SAMD5: variants seen among roughly 807,000 people sequenced by gnomAD.
SAMD5 encodes the protein sterile alpha motif domain containing 5, also known as sterile alpha motif domain-containing protein 5.
Under a neutral mutation model 11.3 loss-of-function variants are expected in SAMD5, and 13 were observed. That is an observed-to-expected ratio of 1.15 (90% CI 0.75 to 1.83). The LOEUF (loss-of-function observed/expected upper bound fraction) is 1.83. Among genes scored for constraint, SAMD5 ranks in the 40% most tolerant of loss-of-function variants. SAMD5 has a pLI of 0.00. For missense variants in SAMD5, 255 were observed against 239.1 expected (o/e 1.07, Z -0.44); for synonymous variants, 129 against 111.3 (o/e 1.16, Z -1.00).
At chr6:147,883,162 C>T in the SAMD5 span, among the ~76,000 whole-genome samples, 6 of 152,062 alleles carry the variant, frequency 3.9e-5, no homozygotes, top group African/African-American at 7.2e-5. Flanking sequence ...GAAGGTTTTC[C>T]GTGATTGAAT....
intron 1 of SAMD5, among the ~76,000 whole-genome samples, chr6:147,698,546 T>C (rs1791211029): frequency 6.6e-6 from 1 of 152,212 alleles, no homozygotes; most frequent in South Asian, 2.1e-4. Context: ...CCTAGTACTC[T>C]GAGCACACTT....
At chr6:147,538,389 A>G (rs1469031285) in intron 1 of SAMD5, among the ~76,000 whole-genome samples, 21 of 152,178 alleles carry the variant, frequency 1.4e-4, no homozygotes. Context: ...AACAAAAGCC[A>G]TATTCCTGTG....
chr6:147,766,667 C>T, the SAMD5 span, among the ~76,000 whole-genome samples: 1 of 152,068 alleles, frequency 6.6e-6, no homozygotes. Flanking sequence ...AAAGAATAGA[C>T]CCCAGCAAAA....
chr6:147,628,698 C>T (rs1790094775), intron 1 of SAMD5, among the ~76,000 whole-genome samples: 2 of 152,046 alleles, frequency 1.3e-5, no homozygotes. Flanking sequence ...TACCCATCCT[C>T]CCCTCCAAAA....
At chr6:147,833,452 C>T in the SAMD5 span, among the ~76,000 whole-genome samples, 5 of 152,126 alleles carry the variant, frequency 3.3e-5, no homozygotes, top group Non-Finnish European at 5.9e-5. Context: ...ATGATAAACT[C>T]TAAATTATAC....
chr6:147,671,730 C>T (rs1184178794), intron 1 of SAMD5, among the ~76,000 whole-genome samples: 1 of 152,028 alleles, frequency 6.6e-6, no homozygotes, highest in Non-Finnish European at 1.5e-5. Context: ...TTTTATGTGT[C>T]CGTCCTATTT....
intron 1 of SAMD5, among the ~76,000 whole-genome samples, chr6:147,700,187 T>G (rs17077259): frequency 0.093 from 14,189 of 152,214 alleles, 1,675 homozygotes; most frequent in African/African-American, 0.28. Context: ...TAAGATTTTT[T>G]AAATACAGTG....
chr6:147,672,993 T>C (rs917872621), intron 1 of SAMD5, among the ~76,000 whole-genome samples: 1 of 152,166 alleles, frequency 6.6e-6, no homozygotes, highest in South Asian at 2.1e-4. Flanking sequence ...ATAGCTTTAA[T>C]TCTTCTCTTT....
At chr6:147,721,848 A>G (rs1791556591) in intron 1 of SAMD5, among the ~76,000 whole-genome samples, 1 of 152,172 alleles carries the variant, frequency 6.6e-6, no homozygotes. Context: ...AAGCTTTCAT[A>G]GTTTAATGTT....
chr6:147,911,755 G>T, the SAMD5 span, among the ~76,000 whole-genome samples: 1 of 152,208 alleles, frequency 6.6e-6, no homozygotes, highest in African/African-American at 2.4e-5. Context: ...ATGACCATGT[G>T]TTATTATTTA....
At chr6:147,882,150 A>C in the SAMD5 span, among the ~76,000 whole-genome samples, 1 of 152,130 alleles carries the variant, frequency 6.6e-6, no homozygotes, top group Non-Finnish European at 1.5e-5. Context: ...CTTTTACTTA[A>C]GCTTAGGATA....
intron 1 of SAMD5, among the ~76,000 whole-genome samples, chr6:147,599,799 A>T (rs17387675): frequency 6.6e-6 from 1 of 152,214 alleles, no homozygotes; most frequent in Non-Finnish European, 1.5e-5. Context: ...GCTGTTTCTC[A>T]GTTATTCATG....
the SAMD5 span, among the ~76,000 whole-genome samples, chr6:147,757,113 T>C: frequency 6.6e-6 from 1 of 152,224 alleles, no homozygotes; most frequent in South Asian, 2.1e-4. Flanking sequence ...CATGCTGCCA[T>C]AGATTCTTGC....
chr6:147,580,714 A>G (rs1473864204), intron 1 of SAMD5, among the ~76,000 whole-genome samples: 3 of 152,180 alleles, frequency 2.0e-5, no homozygotes, highest in African/African-American at 4.8e-5. Context: ...AAAATGTCCA[A>G]TTCTGTATTC....
the SAMD5 span, among the ~76,000 whole-genome samples, chr6:147,915,475 T>G: frequency 2.3e-4 from 35 of 152,334 alleles, no homozygotes; most frequent in African/African-American, 7.9e-4. Flanking sequence ...ACTAGTTGTG[T>G]AACCTAGGAG....
At chr6:147,847,516 C>G in the SAMD5 span, among the ~76,000 whole-genome samples, 1 of 152,128 alleles carries the variant, frequency 6.6e-6, no homozygotes, top group South Asian at 2.1e-4. Context: ...TACAAGAAGT[C>G]AATTTTAAAA....
At chr6:147,791,481 C>G in the SAMD5 span, among the ~76,000 whole-genome samples, 1 of 151,938 alleles carries the variant, frequency 6.6e-6, no homozygotes, top group Non-Finnish European at 1.5e-5. Flanking sequence ...ACGTTTATAC[C>G]TTTCACTTTT....
At chr6:147,891,796 A>G in the SAMD5 span, among the ~76,000 whole-genome samples, 2 of 152,130 alleles carry the variant, frequency 1.3e-5, no homozygotes, top group African/African-American at 4.8e-5. Context: ...AAACAAAAAA[A>G]AAACCTAGAG....
At chr6:147,909,622 T>TTCTCTC in the SAMD5 span, among the ~76,000 whole-genome samples, 4 of 69,754 alleles carry the variant, frequency 5.7e-5, no homozygotes, top group Non-Finnish European at 1.0e-4. Flanking sequence ...CTTTCTTTCT[T>TTCTCTC]TCTTTCTTTC....
Sources: allele counts gnomAD v4.1 joint callset (sites outside exome capture counted in the v4.1 genomes callset), GRCh38; gene constraint gnomAD v4.1.1; transcripts MANE v1.5; gene names NCBI Gene and HGNC (gene_info 2026-07-23, HGNC 2026-07-21).